Variants in BICDL1 observed in about 807,000 individuals in gnomAD.
BICDL1 encodes BICD family like cargo adaptor 1.
In BICDL1, 20 loss-of-function variants were observed where a neutral mutation model predicts 76.8. That is an observed-to-expected ratio of 0.26 (90% CI 0.18 to 0.38). BICDL1 has a LOEUF of 0.38. BICDL1 is among the 10% of genes least tolerant of loss of function. The pLI is 1.00. For synonymous variants in BICDL1, 383 were observed against 337.1 expected (o/e 1.14, Z -1.49); for missense variants, 700 against 798.6 (o/e 0.88, Z 1.49).
intron 1 of BICDL1, among the ~76,000 whole-genome samples, chr12:119,994,636 T>C (rs1160952068): frequency 6.6e-6 from 1 of 152,060 alleles, no homozygotes; most frequent in East Asian, 1.9e-4. Context: ...ACTACTGGTA[T>C]ACACCACCAT....
Position 120,093,259 on chromosome 12 carries a change from C to T in BICDL1, c.*98C>T. The T allele has an allele frequency of 7.2e-7, 1 of 1,389,412 alleles. No individual in the cohort carries two copies. Among genetic ancestry groups the T allele is most frequent in the Non-Finnish European group, 9.9e-7 (1 of 1,011,994 alleles). The allele number at this position is 1,389,412 out of a possible 1,614,324, so 86.1% of individuals were successfully genotyped here. A position where few individuals can be genotyped will look rare whatever the true frequency, so the allele number is the denominator to read the frequency against. On this transcript the variant is annotated 3_prime_UTR_variant, in exon 10 of 10. Coordinates refer to ENST00000548673, the MANE Select transcript of BICDL1 (RefSeq NM_001367886.1). ...CCTGCAGCTTGCACCTCAGCAGCTG[C>T]CCTGCCCCTCATGCTAGGGCCCCAT...
chr12:120,007,049 A>G (rs926951260), intron 2 of BICDL1, among the ~76,000 whole-genome samples: 1 of 152,150 alleles, frequency 6.6e-6, no homozygotes, highest in Non-Finnish European at 1.5e-5. Flanking sequence ...AAGACTTACT[A>G]ATGGAATAAA....
chr12:120,087,292 C>T (rs549036445), intron 8 of BICDL1, among the ~76,000 whole-genome samples: 9 of 152,238 alleles, frequency 5.9e-5, no homozygotes, highest in Non-Finnish European at 1.2e-4. Context: ...GCGGGGCTGA[C>T]GCGGTGGCTG....
At chr12:120,063,443 G>A (rs1383105881) in intron 3 of BICDL1, among the ~76,000 whole-genome samples, 1 of 152,062 alleles carries the variant, frequency 6.6e-6, no homozygotes, top group African/African-American at 2.4e-5. Flanking sequence ...TGAATTGGTG[G>A]CCAGAGAAGA....
intron 2 of BICDL1, among the ~76,000 whole-genome samples, chr12:120,037,837 T>C (rs1952556114): frequency 6.6e-6 from 1 of 152,218 alleles, no homozygotes. Context: ...CCTTTGACCT[T>C]CCATCCTTCT....
intron 2 of BICDL1, among the ~76,000 whole-genome samples, chr12:120,056,689 C>T (rs2138875593): frequency 6.6e-6 from 1 of 152,102 alleles, no homozygotes; most frequent in Non-Finnish European, 1.5e-5. Context: ...TGCACTCCAG[C>T]CTGGGTGACA....
intron 2 of BICDL1, among the ~76,000 whole-genome samples, chr12:120,002,240 A>G (rs1566206531): frequency 6.6e-6 from 1 of 152,108 alleles, no homozygotes; most frequent in Non-Finnish European, 1.5e-5. Context: ...TAATTTGATT[A>G]CCTATGTAAA....
intron 4 of BICDL1, among the ~76,000 whole-genome samples, chr12:120,069,294 A>G (rs1872910205): frequency 6.6e-6 from 1 of 152,242 alleles, no homozygotes; most frequent in Non-Finnish European, 1.5e-5. Flanking sequence ...GAGAACAAAC[A>G]GGTGAACGTG....
At chr12:120,015,126 G>A (rs1952033786) in intron 2 of BICDL1, among the ~76,000 whole-genome samples, 1 of 152,070 alleles carries the variant, frequency 6.6e-6, no homozygotes, top group African/African-American at 2.4e-5. Context: ...TCAAGAGTCT[G>A]CCCCTTCCCA....
At chr12:120,042,142 G>A (rs1370207932) in intron 2 of BICDL1, among the ~76,000 whole-genome samples, 1 of 152,070 alleles carries the variant, frequency 6.6e-6, no homozygotes, top group Admixed American at 6.6e-5. Context: ...AGAAGTGATA[G>A]CATCCTGGAT....
intron 7 of BICDL1, chr12:120,080,588 A>G (rs1265435027): frequency 1.2e-5 from 3 of 245,154 alleles, no homozygotes; most frequent in African/African-American, 2.2e-5. Context: ...GTGCCTGGAG[A>G]TGGAGGAGGT....
intron 8 of BICDL1, among the ~76,000 whole-genome samples, chr12:120,088,422 T>C (rs778289364): frequency 2.8e-4 from 42 of 152,080 alleles, no homozygotes; most frequent in Non-Finnish European, 1.0e-4. Context: ...AGTGGCACAA[T>C]CTGGGCTCAC....
At chr12:120,080,522 A>G (rs371510201) in intron 7 of BICDL1, among the ~76,000 whole-genome samples, 8 of 152,192 alleles carry the variant, frequency 5.3e-5, no homozygotes, top group Middle Eastern at 6.8e-3. Context: ...GGGATTCCCT[A>G]CCCTAAAAAC....
chr12:120,061,691 C>T lies in BICDL1; in HGVS notation c.646-19C>T. 2 of 1,541,010 alleles carry T rather than the reference C, an allele frequency of 1.3e-6. No individual in the cohort carries two copies. Among genetic ancestry groups the T allele is most frequent in the Non-Finnish European group, 1.8e-6 (2 of 1,113,100 alleles). On this transcript the variant is annotated intron_variant, in intron 2 of 9. Coordinates refer to ENST00000548673, the MANE Select transcript of BICDL1 (RefSeq NM_001367886.1). The stretch of plus-strand genomic sequence containing the variant: ...TTGCATAACCTCCGAATCAGCTCTG[C>T]AGGTCTCCTCTGTTTCAGGCATCAG...
intron 7 of BICDL1, among the ~76,000 whole-genome samples, chr12:120,076,902 C>T (rs948479908): frequency 5.3e-5 from 8 of 152,266 alleles, no homozygotes; most frequent in Non-Finnish European, 1.2e-4. Context: ...ACACCCACTG[C>T]GTGCCTGGTG....
At chr12:120,072,423 C>A in intron 5 of BICDL1, 88 bp from the exon 6 acceptor site, 1 of 1,201,092 alleles carries the variant, frequency 8.3e-7, no homozygotes, top group Non-Finnish European at 1.2e-6. Flanking sequence ...TCTTGGGTAT[C>A]AGTATTTTGG....
intron 2 of BICDL1, among the ~76,000 whole-genome samples, chr12:120,053,361 G>A (rs1240441416): frequency 1.3e-5 from 2 of 152,186 alleles, no homozygotes; most frequent in African/African-American, 2.4e-5. Context: ...TGGGATTAGA[G>A]CGTGAGCTAC....
At chr12:120,084,302 A>G (rs1206990241) in intron 8 of BICDL1, among the ~76,000 whole-genome samples, 1 of 151,784 alleles carries the variant, frequency 6.6e-6, no homozygotes, top group Non-Finnish European at 1.5e-5. Context: ...ACACCCGGCC[A>G]ACACTTTTAT....
rs1953110625 is a variant in BICDL1, at chr12:120,061,799, T to G, written c.735T>G (p.Ile245Met). The G allele has an allele frequency of 6.2e-7, 1 of 1,614,044 alleles. No individual in the cohort carries two copies. Among genetic ancestry groups the G allele is most frequent in the Non-Finnish European group, 8.5e-7 (1 of 1,179,924 alleles). ...REKNSSTNQH[I>M]IRLESLQAEI... ...AAAACTCATCAACCAACCAGCACATTATCCGGCTGGAGAGCCTTCAGGCCG... is the reference window on the plus strand; with the variant it reads ...AAAACTCATCAACCAACCAGCACATGATCCGGCTGGAGAGCCTTCAGGCCG... The change falls in exon 3 of 10, where the codon ATT becomes ATG. Residue 245 changes from isoleucine to methionine, a missense_variant. Coordinates refer to ENST00000548673, the MANE Select transcript of BICDL1 (RefSeq NM_001367886.1).
Sources: gnomAD v4.1 joint callset for allele counts (sites outside exome capture counted in the v4.1 genomes callset) on GRCh38, gnomAD v4.1.1 for gene constraint, MANE v1.5 for transcripts, NCBI Gene and HGNC (gene_info 2026-07-23, HGNC 2026-07-21) for gene names.